The following NUMB variants were observed in gnomAD, a reference collection of about 807,000 sequenced individuals.
NUMB encodes the protein NUMB endocytic adaptor protein, also known as protein numb homolog.
In NUMB, 29 loss-of-function variants were observed where a neutral mutation model predicts 59.7. The ratio of observed to expected loss-of-function variants is 0.49; its 90% CI spans 0.36 to 0.66. The LOEUF (loss-of-function observed/expected upper bound fraction) is 0.66. NUMB is among the 30% of genes least tolerant of loss of function. The pLI is 0.00. For synonymous variants in NUMB, 288 were observed against 288.2 expected (o/e 1.00, Z 0.01); for missense variants, 723 against 822.0 (o/e 0.88, Z 1.47).
At chr14:73,323,567 A>G (rs1056907284) in intron 4 of NUMB, among the ~76,000 whole-genome samples, 2 of 152,246 alleles carry the variant, frequency 1.3e-5, no homozygotes, top group Non-Finnish European at 2.9e-5. Context: ...CTGAAGCATA[A>G]TAGCCTGCGC....
chr14:73,297,370 C>A, intron 6 of NUMB, 85 bp from the exon 7 acceptor site: 1 of 879,034 alleles, frequency 1.1e-6, no homozygotes. Flanking sequence ...AACACTGACT[C>A]TGCCTTCCAA....
chr14:73,433,670 T>C (rs1897929708), intron 1 of NUMB, among the ~76,000 whole-genome samples: 2 of 152,150 alleles, frequency 1.3e-5, no homozygotes, highest in African/African-American at 4.8e-5. Flanking sequence ...CAATTTAAGG[T>C]TACTAAGTTT....
At chr14:73,390,636 G>GTTTTTTTTTT (rs1895795045) in intron 2 of NUMB, among the ~76,000 whole-genome samples, 1 of 60,072 alleles carries the variant, frequency 1.7e-5, no homozygotes, top group Admixed American at 1.7e-4. Context: ...CAAAAACAAA[G>GTTTTTTTTTT]TCTTTTTTTT....
At chr14:73,447,111 C>T (rs887531489) in intron 1 of NUMB, among the ~76,000 whole-genome samples, 2 of 150,558 alleles carry the variant, frequency 1.3e-5, no homozygotes, top group East Asian at 3.9e-4. Flanking sequence ...CGCTTGAACC[C>T]GGGAGGCGGA....
intron 2 of NUMB, among the ~76,000 whole-genome samples, chr14:73,406,134 G>A (rs1184482438): frequency 2.0e-5 from 3 of 147,172 alleles, no homozygotes; most frequent in Non-Finnish European, 4.5e-5. Flanking sequence ...TAGGGTACAT[G>A]TGCACAACGT....
intron 4 of NUMB, among the ~76,000 whole-genome samples, chr14:73,337,820 A>G (rs1315582151): frequency 6.6e-6 from 1 of 152,216 alleles, no homozygotes; most frequent in Non-Finnish European, 1.5e-5. Context: ...AAAGTGGTTA[A>G]TATTTTTATA....
chr14:73,419,079 A>G (rs1471647211), intron 1 of NUMB, among the ~76,000 whole-genome samples: 1 of 152,244 alleles, frequency 6.6e-6, no homozygotes, highest in African/African-American at 2.4e-5. Flanking sequence ...TTTTGATGAC[A>G]TAAGATTAAA....
chr14:73,331,671 T>C (rs907087151), intron 4 of NUMB, among the ~76,000 whole-genome samples: 3 of 152,286 alleles, frequency 2.0e-5, no homozygotes, highest in Admixed American at 6.5e-5. Context: ...GTGGAAGTAA[T>C]TGGATCATGG....
intron 5 of NUMB, among the ~76,000 whole-genome samples, chr14:73,317,281 CTTA>C (rs1361248581): frequency 6.6e-6 from 1 of 150,594 alleles, no homozygotes; most frequent in African/African-American, 2.4e-5. Flanking sequence ...AAAGCTATTG[CTTA>C]TTATTATTTG....
intron 4 of NUMB, among the ~76,000 whole-genome samples, chr14:73,339,206 A>G (rs1004891777): frequency 9.2e-5 from 14 of 152,200 alleles, no homozygotes; most frequent in African/African-American, 3.1e-4. Context: ...CTATGTATGC[A>G]TTTCATTTCA....
At chr14:73,325,376 C>T (rs533831313) in intron 4 of NUMB, among the ~76,000 whole-genome samples, 33 of 152,236 alleles carry the variant, frequency 2.2e-4, no homozygotes, top group Admixed American at 3.9e-4. Context: ...ATTGCTTAAG[C>T]CCAGGAGTCC....
At chr14:73,349,766 C>G (rs1402675730) in intron 4 of NUMB, among the ~76,000 whole-genome samples, 1 of 151,962 alleles carries the variant, frequency 6.6e-6, no homozygotes, top group African/African-American at 2.4e-5. Flanking sequence ...GTAGTCCCAG[C>G]TACTTGGGAG....
At chr14:73,277,905 A>G (rs1888291485) in intron 12 of NUMB, among the ~76,000 whole-genome samples, 1 of 151,912 alleles carries the variant, frequency 6.6e-6, no homozygotes, top group South Asian at 2.1e-4. Context: ...TAAAAATACA[A>G]AAATTAGCTG....
intron 3 of NUMB, among the ~76,000 whole-genome samples, chr14:73,361,289 AAG>A (rs1894085483): frequency 6.6e-6 from 1 of 152,214 alleles, no homozygotes; most frequent in Non-Finnish European, 1.5e-5. Context: ...TAAAGGTAGA[AAG>A]CATTGGCTTC....
At chr14:73,448,815 G>A (rs757937896) in intron 1 of NUMB, among the ~76,000 whole-genome samples, 28 of 152,042 alleles carry the variant, frequency 1.8e-4, no homozygotes, top group Non-Finnish European at 3.7e-4. Flanking sequence ...ACATGTATTT[G>A]GAAGAGGACC....
At chr14:73,316,064 C>T (rs1199921634) in intron 6 of NUMB, among the ~76,000 whole-genome samples, 1 of 152,046 alleles carries the variant, frequency 6.6e-6, no homozygotes, top group Non-Finnish European at 1.5e-5. Context: ...TTGGTAGAGA[C>T]AGGGTTTTAC....
At chr14:73,329,977 A>G (rs971291046) in intron 4 of NUMB, among the ~76,000 whole-genome samples, 3 of 152,104 alleles carry the variant, frequency 2.0e-5, no homozygotes, top group African/African-American at 4.8e-5. Flanking sequence ...TGATGTTTGT[A>G]TTTACCTGCT....
intron 3 of NUMB, among the ~76,000 whole-genome samples, chr14:73,358,662 T>C (rs1893943607): frequency 6.7e-6 from 1 of 149,578 alleles, no homozygotes; most frequent in South Asian, 2.1e-4. Context: ...GTCCTTCCAC[T>C]TCATATAATT....
At chr14:73,294,331 G>C (rs1313871070) in intron 7 of NUMB, among the ~76,000 whole-genome samples, 1 of 151,632 alleles carries the variant, frequency 6.6e-6, no homozygotes, top group South Asian at 2.1e-4. Context: ...TCAGCCTCCC[G>C]AGGAGCTAGG....
Sources: gnomAD v4.1 joint callset for allele counts (sites outside exome capture counted in the v4.1 genomes callset) on GRCh38, gnomAD v4.1.1 for gene constraint, MANE v1.5 for transcripts, NCBI Gene and HGNC (gene_info 2026-07-23, HGNC 2026-07-21) for gene names.